Variants in FAM124A observed in about 807,000 individuals in gnomAD.
FAM124A encodes family with sequence similarity 124 member A.
A neutral mutation model predicts 24.5 loss-of-function variants in FAM124A; 23 were observed. That is an observed-to-expected ratio of 0.94 (90% confidence interval 0.68 to 1.33). The LOEUF (loss-of-function observed/expected upper bound fraction) is 1.33, where lower values mean the gene tolerates loss of function less well. Ranked by LOEUF, FAM124A falls within the 40% of genes most tolerant of loss-of-function variation. The probability of loss-of-function intolerance (pLI) is 0.00; values close to 1 mark genes in which losing one functional copy is unlikely to be tolerated. For missense variants in FAM124A, 623 were observed against 722.8 expected, an observed-to-expected ratio of 0.86 and a Z score of 1.58; for synonymous variants, 287 against 314.7, an observed-to-expected ratio of 0.91 and a Z score of 0.93.
intron 3 of FAM124A, among the ~76,000 whole-genome samples, chr13:51,276,209 G>T (rs190947419): frequency 6.6e-6 from 1 of 152,170 alleles, no homozygotes; most frequent in South Asian, 2.1e-4. Context: ...GGTATGCGGG[G>T]TGAAGCTAGG....
At chr13:51,269,887 C>T (rs1293326382) in intron 3 of FAM124A, among the ~76,000 whole-genome samples, 2 of 152,128 alleles carry the variant, frequency 1.3e-5, no homozygotes, top group Non-Finnish European at 2.9e-5. Flanking sequence ...ATTATGTAAA[C>T]CCCCACCCTA....
chr13:51,264,186 T>G (rs1954763123), intron 3 of FAM124A, among the ~76,000 whole-genome samples: 1 of 152,206 alleles, frequency 6.6e-6, no homozygotes, highest in Admixed American at 6.5e-5. Flanking sequence ...TTGCTATTTG[T>G]CCAACTTTGG....
intron 3 of FAM124A, among the ~76,000 whole-genome samples, chr13:51,278,654 G>T (rs986604871): frequency 6.6e-6 from 1 of 152,194 alleles, no homozygotes; most frequent in South Asian, 2.1e-4. Flanking sequence ...CACTGTGCAC[G>T]TGGGCACCCT....
intron 2 of FAM124A, among the ~76,000 whole-genome samples, chr13:51,239,237 T>A (rs1954467077): frequency 6.6e-6 from 1 of 152,184 alleles, no homozygotes; most frequent in Non-Finnish European, 1.5e-5. Flanking sequence ...TAATACATAG[T>A]CATTGCAGAA....
chr13:51,259,908 A>T (rs928725481), intron 3 of FAM124A, among the ~76,000 whole-genome samples: 2 of 152,196 alleles, frequency 1.3e-5, no homozygotes, highest in African/African-American at 4.8e-5. Flanking sequence ...AAGGTGGTGA[A>T]GATGGCAACC....
intron 3 of FAM124A, among the ~76,000 whole-genome samples, chr13:51,276,632 A>G (rs1954887884): frequency 6.6e-6 from 1 of 152,214 alleles, no homozygotes; most frequent in African/African-American, 2.4e-5. Flanking sequence ...GGCTTTGCCC[A>G]TGGCCAGCAT....
intron 3 of FAM124A, among the ~76,000 whole-genome samples, chr13:51,257,553 G>C (rs1412634401): frequency 1.3e-5 from 2 of 152,178 alleles, no homozygotes; most frequent in African/African-American, 4.8e-5. Flanking sequence ...AAGATTCAGA[G>C]TTTCCAAGGG....
intron 1 of FAM124A, among the ~76,000 whole-genome samples, chr13:51,228,664 C>T (rs1166905845): frequency 6.6e-6 from 1 of 152,166 alleles, no homozygotes; most frequent in African/African-American, 2.4e-5. Context: ...TAATGAAATA[C>T]CTGGTTATTC....
chr13:51,244,421 G>A (rs1226273590), intron 2 of FAM124A, among the ~76,000 whole-genome samples: 1 of 152,174 alleles, frequency 6.6e-6, no homozygotes, highest in Non-Finnish European at 1.5e-5. Flanking sequence ...AACATTCTTT[G>A]ATTAAATAAA....
chr13:51,232,862 G>A (rs1012198262), intron 2 of FAM124A, among the ~76,000 whole-genome samples: 8 of 152,274 alleles, frequency 5.3e-5, no homozygotes, highest in Admixed American at 1.3e-4. Context: ...CTCTGGTCAC[G>A]ACACAACACC....
intron 3 of FAM124A, among the ~76,000 whole-genome samples, chr13:51,263,771 G>A (rs530096505): frequency 7.9e-5 from 12 of 152,132 alleles, no homozygotes; most frequent in East Asian, 1.9e-4. Flanking sequence ...ATATACTGCC[G>A]TCTAAAAAAA....
At chr13:51,231,202 C>T (rs1220871355) in intron 1 of FAM124A, 146 bp from the exon 2 acceptor site, 5 of 833,520 alleles carry the variant, frequency 6.0e-6, no homozygotes, top group Non-Finnish European at 9.9e-6. Context: ...CTTTATTTTG[C>T]ATAAAATGAG....
At chr13:51,268,793 G>A (rs2137701092) in intron 3 of FAM124A, among the ~76,000 whole-genome samples, 1 of 152,148 alleles carries the variant, frequency 6.6e-6, no homozygotes, top group East Asian at 1.9e-4. Context: ...GGCTGGTTTG[G>A]GGTTGCTCCT....
chr13:51,266,017 T>C (rs1453638248), intron 3 of FAM124A, among the ~76,000 whole-genome samples: 1 of 152,246 alleles, frequency 6.6e-6, no homozygotes, highest in Non-Finnish European at 1.5e-5. Flanking sequence ...ATATAGATAA[T>C]ATGTGTGCAT....
intron 3 of FAM124A, among the ~76,000 whole-genome samples, chr13:51,261,509 T>G (rs1476063865): frequency 6.6e-6 from 1 of 152,220 alleles, no homozygotes; most frequent in Non-Finnish European, 1.5e-5. Flanking sequence ...TCATTGCCTT[T>G]TCAGCCCTGA....
intron 1 of FAM124A, among the ~76,000 whole-genome samples, chr13:51,223,978 A>T (rs1954290059): frequency 6.6e-6 from 1 of 152,164 alleles, no homozygotes; most frequent in Non-Finnish European, 1.5e-5. Context: ...CCTAAAACTG[A>T]TATTTTTTTC....
intron 1 of FAM124A, among the ~76,000 whole-genome samples, chr13:51,226,739 T>A (rs888618681): frequency 2.0e-5 from 3 of 152,118 alleles, no homozygotes; most frequent in Non-Finnish European, 1.5e-5. Context: ...AAGAAACAGT[T>A]CCGAGAAACT....
intron 3 of FAM124A, among the ~76,000 whole-genome samples, chr13:51,271,930 T>C (rs6561627): frequency 0.13 from 19,039 of 152,114 alleles, 1,524 homozygotes; most frequent in African/African-American, 0.22. Context: ...GTTACCACAG[T>C]TTAGGCGTGG....
intron 2 of FAM124A, among the ~76,000 whole-genome samples, chr13:51,243,156 C>A (rs1393106866): frequency 6.6e-6 from 1 of 152,202 alleles, no homozygotes; most frequent in Non-Finnish European, 1.5e-5. Flanking sequence ...TGCAACCAGT[C>A]TCGCCACTTT....
Sources: gnomAD v4.1 joint callset for allele counts (sites outside exome capture counted in the v4.1 genomes callset) on GRCh38, gnomAD v4.1.1 for gene constraint, MANE v1.5 for transcripts, NCBI Gene and HGNC (gene_info 2026-07-23, HGNC 2026-07-21) for gene names.